ARFGEF3: variants seen among roughly 807,000 people sequenced by gnomAD.
The protein encoded by ARFGEF3 is ARFGEF family member 3.
In ARFGEF3, 96 loss-of-function variants were observed where a neutral mutation model predicts 221.7. The ratio of observed to expected loss-of-function variants is 0.43; its 90% CI spans 0.37 to 0.51. ARFGEF3 has a LOEUF of 0.51. ARFGEF3 is among the 20% of genes least tolerant of loss of function. The pLI is 0.00. For synonymous variants in ARFGEF3, 1,145 were observed against 1,126.8 expected, an observed-to-expected ratio of 1.02 and a Z score of -0.32; for missense variants, 2,410 against 2,789.9, an observed-to-expected ratio of 0.86 and a Z score of 3.07.
At chr6:138,221,453 A>G (rs1184074621) in intron 4 of ARFGEF3, among the ~76,000 whole-genome samples, 1 of 152,230 alleles carries the variant, frequency 6.6e-6, no homozygotes, top group Non-Finnish European at 1.5e-5. Flanking sequence ...ATTTGGTCTA[A>G]TATGTCAATA....
intron 3 of ARFGEF3, among the ~76,000 whole-genome samples, chr6:138,209,295 A>T (rs543508407): frequency 1.3e-5 from 2 of 152,282 alleles, no homozygotes; most frequent in African/African-American, 4.8e-5. Flanking sequence ...ACTAGTGGGT[A>T]GGGCTAGCTT....
chr6:138,297,765 G>T (rs1779547641), intron 21 of ARFGEF3, among the ~76,000 whole-genome samples: 1 of 152,174 alleles, frequency 6.6e-6, no homozygotes, highest in Admixed American at 6.5e-5. Context: ...TTTAGCTCAT[G>T]ATTCCATGAG....
chr6:138,296,539 C>T (rs551328322), intron 20 of ARFGEF3, among the ~76,000 whole-genome samples: 11 of 152,200 alleles, frequency 7.2e-5, no homozygotes, highest in African/African-American at 2.4e-4. Flanking sequence ...CCTACTGAAC[C>T]GCTACCTCAT....
At chr6:138,278,682 G>A in intron 13 of ARFGEF3, 65 bp downstream of exon 13, 1 of 1,550,720 alleles carries the variant, frequency 6.4e-7, no homozygotes, top group African/African-American at 1.4e-5. Context: ...GTACAGCCTA[G>A]CCTCAGTGCC....
chr6:138,275,746 GAA>G lies in ARFGEF3; in HGVS notation c.2129-2689_2129-2688del, dbSNP rs541515243. Among the ~76,000 whole-genome samples, 928 of 111,414 alleles carry G rather than the reference GAA, an allele frequency of 8.3e-3. 12 individuals are homozygous for G. Among genetic ancestry groups the G allele is most frequent in the African/African-American group, 0.028 (852 of 30,824 alleles). The allele number at this position is 111,414 out of a possible 152,430, so 73.1% of individuals were successfully genotyped here. On this transcript the variant is annotated intron_variant, in intron 12 of 33. Transcript: ENST00000251691. ...GTGACAGAACAAGACTCTGACTCAG[GAA>G]AAAAAAAAAAAAAAATTCACAGGGA... is the stretch of plus-strand genomic sequence containing the variant.
At chr6:138,202,004 G>A (rs893489752) in intron 2 of ARFGEF3, among the ~76,000 whole-genome samples, 3 of 152,158 alleles carry the variant, frequency 2.0e-5, no homozygotes, top group African/African-American at 7.2e-5. Context: ...TCCTTGACAT[G>A]ACCAGATGCA....
At chr6:138,286,626 C>A in intron 15 of ARFGEF3, 75 bp from the exon 16 acceptor site, 1 of 1,182,560 alleles carries the variant, frequency 8.5e-7, no homozygotes, top group Admixed American at 1.7e-5. Flanking sequence ...CATTTGATAG[C>A]AAGAGAATGT....
At chr6:138,316,934 A>C (rs1371278221) in intron 26 of ARFGEF3, among the ~76,000 whole-genome samples, 1 of 152,234 alleles carries the variant, frequency 6.6e-6, no homozygotes, top group Non-Finnish European at 1.5e-5. Context: ...ATAGAACTGG[A>C]TGGATAGCTT....
At chr6:138,302,325 G>T (rs1001584977) in intron 22 of ARFGEF3, among the ~76,000 whole-genome samples, 26 of 152,170 alleles carry the variant, frequency 1.7e-4, no homozygotes, top group African/African-American at 6.3e-4. Context: ...AGCTATACGG[G>T]CTTACCAGAA....
intron 2 of ARFGEF3, among the ~76,000 whole-genome samples, chr6:138,192,494 A>C (rs559856577): frequency 7.3e-6 from 1 of 137,120 alleles, no homozygotes; most frequent in Admixed American, 7.1e-5. Flanking sequence ...TCTCAAAAAA[A>C]AACTAACCAA....
intron 2 of ARFGEF3, among the ~76,000 whole-genome samples, chr6:138,183,985 T>TTCCAC (rs1777131861): frequency 2.0e-5 from 3 of 152,320 alleles, no homozygotes; most frequent in Admixed American, 2.0e-4. Context: ...GAAGGGCAGC[T>TTCCAC]TCCACCCACA....
chr6:138,316,536 A>T (rs1779928808), intron 26 of ARFGEF3, among the ~76,000 whole-genome samples: 1 of 151,854 alleles, frequency 6.6e-6, no homozygotes, highest in South Asian at 2.1e-4. Context: ...CTAATCTTGG[A>T]TCATGTATAT....
intron 4 of ARFGEF3, among the ~76,000 whole-genome samples, chr6:138,210,764 G>A (rs918901019): frequency 2.0e-5 from 3 of 152,136 alleles, no homozygotes; most frequent in Admixed American, 6.5e-5. Flanking sequence ...TTCCTCTCTC[G>A]GGGAACATAT....
intron 4 of ARFGEF3, among the ~76,000 whole-genome samples, chr6:138,218,989 C>A (rs1265440782): frequency 2.0e-5 from 3 of 151,994 alleles, no homozygotes; most frequent in African/African-American, 7.3e-5. Context: ...TTGTTGCCAA[C>A]AGTGCATAAA....
At position 138,207,118 on chromosome 6, in the gene ARFGEF3, A is replaced by G. The variant is rs1178661944; in HGVS notation, c.214A>G (p.Met72Val). 1 of 1,610,048 alleles carries G rather than the reference A, an allele frequency of 6.2e-7. No homozygotes were observed. The highest frequency in any genetic ancestry group is 8.5e-7 in the Non-Finnish European group (1 of 1,178,218). ...GCTGGCCCAACATGCTTTGGCAGGG[A>G]TGCAGGTATGGCTTTGACTGAATGC... ...VKLAQHALAG[M>V]QKLLSEERFV... The change falls in exon 3 of 34, where the codon ATG (methionine) becomes GTG (valine). Residue 72 changes from methionine to valine, a missense_variant. Coordinates refer to ENST00000251691, the MANE Select transcript of ARFGEF3 (RefSeq NM_020340.5).
chr6:138,332,637 C>T (rs1045911111), intron 32 of ARFGEF3, among the ~76,000 whole-genome samples: 2 of 151,972 alleles, frequency 1.3e-5, no homozygotes, highest in African/African-American at 4.8e-5. Flanking sequence ...TAATGGGTAC[C>T]AAGTAAGTTT....
chr6:138,238,035 T>C (rs1048845601), intron 5 of ARFGEF3, among the ~76,000 whole-genome samples: 8 of 152,204 alleles, frequency 5.3e-5, no homozygotes, highest in African/African-American at 1.9e-4. Flanking sequence ...CCTGCCTTTA[T>C]GAAATTTCCA....
chr6:138,184,380 T>G (rs1015160818), intron 2 of ARFGEF3, among the ~76,000 whole-genome samples: 1 of 152,142 alleles, frequency 6.6e-6, no homozygotes, highest in African/African-American at 2.4e-5. Flanking sequence ...AACAAATGAA[T>G]TAACATTCAC....
At chr6:138,329,764 TC>T (rs1377175416) in intron 32 of ARFGEF3, among the ~76,000 whole-genome samples, 1 of 152,096 alleles carries the variant, frequency 6.6e-6, no homozygotes, top group African/African-American at 2.4e-5. Context: ...ACAGAATGTG[TC>T]CCCCCACATT....
Sources: gnomAD v4.1 joint callset for allele counts (sites outside exome capture counted in the v4.1 genomes callset) on GRCh38, gnomAD v4.1.1 for gene constraint, MANE v1.5 for transcripts, NCBI Gene and HGNC (gene_info 2026-07-23, HGNC 2026-07-21) for gene names.